The following SMAP2 variants were observed in gnomAD, a reference collection of about 807,000 sequenced individuals.
SMAP2 encodes stromal membrane-associated protein 2.
SMAP2 carries 25 observed loss-of-function variants against 56.4 expected under a neutral mutation model. That is an observed-to-expected ratio of 0.44 (90% CI 0.32 to 0.62). The LOEUF is 0.62. SMAP2 is among the 20% of genes least tolerant of loss of function. The pLI, the probability that SMAP2 is intolerant of heterozygous loss-of-function variation, is 0.04. For synonymous variants in SMAP2, 157 were observed against 181.7 expected (o/e 0.86, Z 1.09); for missense variants, 388 against 545.6 (o/e 0.71, Z 2.88).
At position 40,416,218 on chromosome 1, in the gene SMAP2, C is replaced by G; in HGVS notation, c.724C>G (p.Pro242Ala). ...MPTAGSAGSV[P>A]ENLNLFPEPG... The stretch of plus-strand genomic sequence containing the variant: ...AACTGCAGGGAGTGCCGGCTCTGTT[C>G]CTGAAAATCTGAACCTGTTTCCGGA... Residue 242 changes from proline (P) to alanine (A), a missense_variant, in exon 8 of 10, where the codon CCT (proline) becomes GCT (alanine). Coordinates refer to ENST00000372718, the MANE Select transcript of SMAP2 (RefSeq NM_022733.3). 6.2e-7 allele frequency: 1 copy of G among 1,613,974 alleles called. No homozygotes were observed. The highest frequency in any genetic ancestry group is 8.5e-7 in the Non-Finnish European group (1 of 1,179,980).
chr1:40,383,442 G>A (rs1012351640), intron 1 of SMAP2, among the ~76,000 whole-genome samples: 1 of 152,166 alleles, frequency 6.6e-6, no homozygotes, highest in African/African-American at 2.4e-5. Flanking sequence ...GGATCCCAGC[G>A]CAAACAGGCA....
In SMAP2 at chr1:40,362,863, T is replaced by C. The variant is rs1644465040; in HGVS notation, c.55+427T>C. ...ATAGTGAAGGGGAATTCCAGGGTGA[T>C]GATTACATAGCAGCAGGCCTCCTCC... On this transcript the variant is annotated intron_variant, in intron 2 of 6. Coordinates refer to the SMAP2 transcript ENST00000435168. Among the ~76,000 whole-genome samples, 3 of 152,130 alleles carry C rather than the reference T, an allele frequency of 2.0e-5. 1 individual carries two copies. The highest frequency in any genetic ancestry group is 2.0e-4 in the Admixed American group (3 of 15,258).
rs796527282 is a variant in SMAP2, at chr1:40,407,926, T to TA, written c.238-727_238-726insA. Among the ~76,000 whole-genome samples, 32 of 152,318 alleles carry TA rather than the reference T, an allele frequency of 2.1e-4. 3 individuals are homozygous for TA. In the South Asian group the frequency reaches 6.2e-3, roughly 30 times the overall value. On this transcript the variant is annotated intron_variant, in intron 2 of 9. Transcript: ENST00000372718. The stretch of plus-strand genomic sequence containing the variant: ...CTGTACCTTGATATAGCTTCATTAT[T>TA]TTTTATTCTCTTCCTACATTGAAAC...
chr1:40,371,395 A>G (rs1644495719), upstream of SMAP2, among the ~76,000 whole-genome samples: 1 of 152,210 alleles, frequency 6.6e-6, no homozygotes, highest in Non-Finnish European at 1.5e-5. Context: ...AAAAAGAGCT[A>G]ATACTTGATG....
At position 40,408,577 on chromosome 1, in the gene SMAP2, A is replaced by T; in HGVS notation, c.238-76A>T. On this transcript the variant is annotated intron_variant, in intron 2 of 9. Transcript: ENST00000372718. The surrounding 1 kb of genome is among the most constrained non-coding windows in gnomAD (Gnocchi z 4.3). ...TAGGTTGGTTCTTCAATTGTACAGTAGTGGAATTGGGTGAGAAGTTTTTCA... is the reference window on the plus strand; with the variant it reads ...TAGGTTGGTTCTTCAATTGTACAGTTGTGGAATTGGGTGAGAAGTTTTTCA... 8.2e-7 allele frequency: 1 copy of T among 1,222,420 alleles called. No individual in the cohort carries two copies. The highest frequency in any genetic ancestry group is 1.2e-6 in the Non-Finnish European group (1 of 829,174). 75.7% of individuals were successfully genotyped at this position (1,222,420 alleles called of 1,614,324 possible).
chr1:40,409,186 A>ATC (rs1557456743), intron 3 of SMAP2, among the ~76,000 whole-genome samples: 1 of 152,226 alleles, frequency 6.6e-6, no homozygotes, highest in Non-Finnish European at 1.5e-5. Flanking sequence ...TTCTTCCACC[A>ATC]TCTGTTCAAC....
At chr1:40,401,667 C>G (rs1644835874) in intron 1 of SMAP2, among the ~76,000 whole-genome samples, 1 of 152,180 alleles carries the variant, frequency 6.6e-6, no homozygotes, top group Non-Finnish European at 1.5e-5. Context: ...GAAGTTTCAG[C>G]AGCAAGAGGA....
chr1:40,379,107 G>A (rs1044395228), intron 1 of SMAP2, among the ~76,000 whole-genome samples: 5 of 151,688 alleles, frequency 3.3e-5, no homozygotes, highest in Admixed American at 6.6e-5. Context: ...AGCCTCTCGA[G>A]TAGCTGGGCG....
chr1:40,371,968 TTTAAAC>T (rs1644498790), upstream of SMAP2, among the ~76,000 whole-genome samples: 1 of 152,200 alleles, frequency 6.6e-6, no homozygotes, highest in African/African-American at 2.4e-5. Context: ...AAGCTGAAGA[TTTAAAC>T]TTAAGCATTC....
chr1:40,365,811 G>T (rs560947251), intron 2 of SMAP2, among the ~76,000 whole-genome samples: 3 of 151,990 alleles, frequency 2.0e-5, no homozygotes, highest in East Asian at 3.9e-4. Context: ...TCCTCCAAAG[G>T]AACGCAGCTC....
rs1644906371 is a variant in SMAP2 at position 40,408,511 on chromosome 1, A to G, written c.238-142A>G. ...AAGGTAGAGGGAATCATGAATTGGA[A>G]ATCAGAATACACAAGTTTAAATGTT... is the stretch of plus-strand genomic sequence containing the variant. On this transcript the variant is annotated intron_variant, in intron 2 of 9. Coordinates refer to ENST00000372718, the MANE Select transcript of SMAP2 (RefSeq NM_022733.3). This position sits in a 1 kb window ranked among gnomAD's most constrained non-coding sequence, Gnocchi z 4.3. 1 of 605,888 alleles carries G rather than the reference A, an allele frequency of 1.7e-6. No individual in the cohort carries two copies. Among genetic ancestry groups the G allele is most frequent in the Non-Finnish European group, 2.9e-6 (1 of 346,160 alleles). The allele number at this position is 605,888 out of a possible 1,614,324, so 37.5% of individuals were successfully genotyped here.
At chr1:40,382,315 C>T (rs1468812542) in intron 1 of SMAP2, among the ~76,000 whole-genome samples, 1 of 152,090 alleles carries the variant, frequency 6.6e-6, no homozygotes, top group African/African-American at 2.4e-5. Context: ...CTGCCACTGG[C>T]TTTGTATGTT....
chr1:40,380,325 T>C (rs1225576068), intron 1 of SMAP2, among the ~76,000 whole-genome samples: 1 of 152,174 alleles, frequency 6.6e-6, no homozygotes, highest in Non-Finnish European at 1.5e-5. Context: ...TTTCCCGATT[T>C]CAAACTTGTA....
chr1:40,383,990 G>A (rs945281337), intron 1 of SMAP2, among the ~76,000 whole-genome samples: 2 of 151,962 alleles, frequency 1.3e-5, no homozygotes, highest in Admixed American at 6.6e-5. Context: ...TCTGGCTCCC[G>A]GGTTCAAGTG....
At chr1:40,355,561 T>C (rs982003935) in intron 1 of SMAP2, among the ~76,000 whole-genome samples, 4 of 152,304 alleles carry the variant, frequency 2.6e-5, no homozygotes, top group African/African-American at 9.6e-5. Flanking sequence ...TTATACTCTT[T>C]AAGCTATTTT....
intron 1 of SMAP2, among the ~76,000 whole-genome samples, chr1:40,379,090 C>G (rs530855515): frequency 6.6e-6 from 1 of 151,878 alleles, no homozygotes; most frequent in Non-Finnish European, 1.5e-5. Flanking sequence ...AGTGATTCTC[C>G]TGCCTCAGCC....
chr1:40,418,852 T>C (rs1269584339), intron 9 of SMAP2, among the ~76,000 whole-genome samples: 4 of 152,174 alleles, frequency 2.6e-5, no homozygotes, highest in Non-Finnish European at 5.9e-5. Flanking sequence ...AAAATAAATA[T>C]GCAAGAACTC....
intron 1 of SMAP2, among the ~76,000 whole-genome samples, chr1:40,347,255 T>TG (rs1557819100): frequency 9.4e-4 from 122 of 129,346 alleles, no homozygotes; most frequent in African/African-American, 2.1e-3. Context: ...GTTTTTGTTT[T>TG]TTTTTTTTTT....
intron 9 of SMAP2, among the ~76,000 whole-genome samples, chr1:40,421,514 C>T (rs1391721441): frequency 6.6e-6 from 1 of 152,024 alleles, no homozygotes; most frequent in Non-Finnish European, 1.5e-5. Context: ...CTTTTTTTCC[C>T]CCTTGTGCAA....
Sources: gnomAD v4.1 joint callset for allele counts (sites outside exome capture counted in the v4.1 genomes callset) on GRCh38, gnomAD v4.1.1 for gene constraint, Gnocchi (gnomAD v3.1) non-coding constraint, MANE v1.5 for transcripts, NCBI Gene and HGNC (gene_info 2026-07-23, HGNC 2026-07-21) for gene names.